The following PSMD1 variants were observed in gnomAD, a reference collection of about 807,000 sequenced individuals.
The protein encoded by PSMD1 is proteasome 26S subunit, non-ATPase 1, also known as 26S proteasome non-ATPase regulatory subunit 1.
PSMD1 carries 18 observed loss-of-function variants against 119.0 expected under a neutral mutation model. That is an observed-to-expected ratio of 0.15 (90% CI 0.10 to 0.22). The LOEUF (loss-of-function observed/expected upper bound fraction) is 0.22, where lower values mean the gene tolerates loss of function less well. PSMD1 is among the 10% of genes least tolerant of loss of function. The pLI, the probability that PSMD1 is intolerant of heterozygous loss-of-function variation, is 1.00. For missense variants in PSMD1, 702 were observed against 1,158.5 expected (o/e 0.61, Z 5.72); for synonymous variants, 374 against 396.6 (o/e 0.94, Z 0.68).
intron 4 of PSMD1, among the ~76,000 whole-genome samples, chr2:231,063,059 A>G (rs1693800354): frequency 6.6e-6 from 1 of 152,182 alleles, no homozygotes; most frequent in South Asian, 2.1e-4. Context: ...CCCCATGAGG[A>G]AGGAGCTAGC....
chr2:231,060,952 T>A lies in PSMD1; in HGVS notation c.17-315T>A, dbSNP rs528392774. Among the ~76,000 whole-genome samples, 8 of 152,282 alleles carry A rather than the reference T, an allele frequency of 5.3e-5. 1 individual carries two copies. The highest frequency in any genetic ancestry group is 5.2e-4 in the Admixed American group (8 of 15,290). On this transcript the variant is annotated intron_variant, in intron 1 of 24. Coordinates refer to ENST00000308696, the MANE Select transcript of PSMD1 (RefSeq NM_002807.4). ...CCCATCCTCATAATTTGTGATTCAG[T>A]AGGTCTGGAATGGGGCCGAGAATGT...
At chr2:231,159,432 C>T (rs1696582647) in intron 19 of PSMD1, among the ~76,000 whole-genome samples, 2 of 152,146 alleles carry the variant, frequency 1.3e-5, no homozygotes, top group Admixed American at 1.3e-4. Flanking sequence ...TTAAATAGAA[C>T]ATGTGTTTTC....
chr2:231,082,691 G>A (rs1358930923), intron 12 of PSMD1, among the ~76,000 whole-genome samples, 192 bp from the exon 13 acceptor site: 2 of 152,214 alleles, frequency 1.3e-5, no homozygotes, highest in African/African-American at 4.8e-5. Flanking sequence ...GGCGACAAGA[G>A]CGAAACTACG....
chr2:231,120,624 G>C (rs941913931), intron 16 of PSMD1, among the ~76,000 whole-genome samples: 2 of 152,210 alleles, frequency 1.3e-5, no homozygotes, highest in Non-Finnish European at 2.9e-5. Context: ...ATCAGTGGTT[G>C]AATAAAATAT....
intron 19 of PSMD1, among the ~76,000 whole-genome samples, chr2:231,159,797 A>G (rs1241916453): frequency 1.3e-5 from 2 of 152,176 alleles, no homozygotes; most frequent in South Asian, 2.1e-4. Context: ...CATGGAAGAC[A>G]ATTTTTTTTT....
chr2:231,092,942 G>A (rs953907800), intron 16 of PSMD1, among the ~76,000 whole-genome samples: 6 of 152,166 alleles, frequency 3.9e-5, no homozygotes, highest in Non-Finnish European at 8.8e-5. Context: ...TATAACTAAT[G>A]CACAGTGGGA....
At chr2:231,129,235 A>G (rs1237167264) in intron 16 of PSMD1, among the ~76,000 whole-genome samples, 2 of 152,244 alleles carry the variant, frequency 1.3e-5, no homozygotes, top group Admixed American at 6.5e-5. Flanking sequence ...AATGAATAGC[A>G]GTAAGTTGAT....
intron 16 of PSMD1, among the ~76,000 whole-genome samples, chr2:231,104,829 G>C (rs1030771380): frequency 6.6e-6 from 1 of 152,068 alleles, no homozygotes; most frequent in Non-Finnish European, 1.5e-5. Context: ...TTTGAGAAGT[G>C]TCTGTCCTAT....
At chr2:231,126,065 A>C (rs749719471) in intron 16 of PSMD1, among the ~76,000 whole-genome samples, 1 of 152,182 alleles carries the variant, frequency 6.6e-6, no homozygotes, top group Non-Finnish European at 1.5e-5. Flanking sequence ...TTCAAGAGAA[A>C]TCAGATGTTT....
chr2:231,063,496 TG>T (rs1693810521), intron 4 of PSMD1, among the ~76,000 whole-genome samples: 1 of 152,346 alleles, frequency 6.6e-6, no homozygotes, highest in Admixed American at 6.5e-5. Context: ...GTAGAAGGTC[TG>T]TATTATTCAC....
intron 18 of PSMD1, among the ~76,000 whole-genome samples, chr2:231,147,861 G>A: frequency 6.6e-6 from 1 of 152,148 alleles, no homozygotes. Flanking sequence ...TTTCAGCAAA[G>A]TAGATTTGAG....
Position 231,097,771 on chromosome 2 carries a change from G to A in PSMD1, c.1883+10590G>A, listed in dbSNP as rs187509120. Reference sequence around the variant, plus strand: ...GTGAGAGTCGAAAGACCCATAGGGGGCTTCTCTTGCTTTACAGTGTCTTAT... The same window carrying A: ...GTGAGAGTCGAAAGACCCATAGGGGACTTCTCTTGCTTTACAGTGTCTTAT... On this transcript the variant is annotated intron_variant, in intron 16 of 24. Coordinates refer to ENST00000308696, the MANE Select transcript of PSMD1 (RefSeq NM_002807.4). 1.2e-4 allele frequency among the ~76,000 whole-genome samples: 18 copies of A among 152,254 alleles called. No homozygotes were observed. In the East Asian group the frequency reaches 2.9e-3, roughly 24 times the overall value.
rs530199662 is a variant in PSMD1 at position 231,078,226 on chromosome 2, C to A, written c.1072-433C>A. ...GAGGCTGCAGTGAGCCGAGATCGTA[C>A]CACTGCACTCCAGCCTGGGCAACCA... is the stretch of plus-strand genomic sequence containing the variant. On this transcript the variant is annotated intron_variant, in intron 9 of 24. Coordinates refer to ENST00000308696, the MANE Select transcript of PSMD1 (RefSeq NM_002807.4). 2.0e-5 allele frequency among the ~76,000 whole-genome samples: 3 copies of A among 152,042 alleles called. No homozygotes were observed. The South Asian group carries it at 6.2e-4, about 32-fold the overall frequency.
At chr2:231,116,800 T>G (rs1695351954) in intron 16 of PSMD1, among the ~76,000 whole-genome samples, 1 of 152,122 alleles carries the variant, frequency 6.6e-6, no homozygotes, top group Admixed American at 6.5e-5. Flanking sequence ...ATACAGAATT[T>G]TCTTTAAGAA....
At chr2:231,090,792 G>A (rs1472691873) in intron 16 of PSMD1, among the ~76,000 whole-genome samples, 1 of 152,268 alleles carries the variant, frequency 6.6e-6, no homozygotes, top group South Asian at 2.1e-4. Context: ...AGTGGAAGAA[G>A]GAATTGCAGA....
intron 22 of PSMD1, among the ~76,000 whole-genome samples, 163 bp downstream of exon 22, chr2:231,165,449 G>T (rs569330302): frequency 2.1e-5 from 3 of 145,494 alleles, no homozygotes; most frequent in Non-Finnish European, 4.4e-5. Flanking sequence ...AAAGAGACTC[G>T]AAAATATATC....
chr2:231,123,690 G>C (rs752517264), intron 16 of PSMD1: 1 of 1,614,008 alleles, frequency 6.2e-7, no homozygotes, highest in Admixed American at 1.7e-5. Flanking sequence ...AAGAGATAAC[G>C]TGAACAAAGG....
intron 16 of PSMD1, among the ~76,000 whole-genome samples, chr2:231,095,862 G>A (rs75607388): frequency 0.035 from 5,346 of 152,282 alleles, 110 homozygotes; most frequent in East Asian, 0.11. Flanking sequence ...TTTTGGGAAT[G>A]ACGAAAATGG....
At chr2:231,153,410 A>C in intron 18 of PSMD1, 154 bp from the exon 19 acceptor site, 1 of 601,938 alleles carries the variant, frequency 1.7e-6, no homozygotes, top group Non-Finnish European at 2.9e-6. Context: ...CAACCACGGA[A>C]CTGCTCTGCC....
Sources: gnomAD v4.1 joint callset for allele counts (sites outside exome capture counted in the v4.1 genomes callset) on GRCh38, gnomAD v4.1.1 for gene constraint, MANE v1.5 for transcripts, NCBI Gene and HGNC (gene_info 2026-07-23, HGNC 2026-07-21) for gene names.